SPHKAP: variants seen among roughly 807,000 people sequenced by gnomAD.
The protein encoded by SPHKAP is A-kinase anchor protein SPHKAP.
Under a neutral mutation model 137.5 loss-of-function variants are expected in SPHKAP, and 67 were observed. The ratio of observed to expected loss-of-function variants is 0.49; its 90% CI spans 0.40 to 0.60. The LOEUF (loss-of-function observed/expected upper bound fraction) is 0.60. Ranked by LOEUF, SPHKAP falls within the 20% of genes least tolerant of loss-of-function variation. The pLI, the probability that SPHKAP is intolerant of heterozygous loss-of-function variation, is 0.00. For synonymous variants in SPHKAP, 813 were observed against 785.3 expected (o/e 1.04, Z -0.59); for missense variants, 2,097 against 2,069.3 (o/e 1.01, Z -0.26).
chr2:228,121,960 T>C (rs2106363736), intron 2 of SPHKAP, among the ~76,000 whole-genome samples: 1 of 152,214 alleles, frequency 6.6e-6, no homozygotes, highest in Non-Finnish European at 1.5e-5. Context: ...TACTCCAGGC[T>C]ACTATGCTGG....
chr2:227,997,430 TAAC>T (rs1336117918), intron 7 of SPHKAP, among the ~76,000 whole-genome samples: 2 of 152,130 alleles, frequency 1.3e-5, no homozygotes, highest in African/African-American at 4.8e-5. Flanking sequence ...CCAAGAAAAG[TAAC>T]AACATCTCAT....
At chr2:228,091,645 T>C (rs1180683690) in intron 3 of SPHKAP, among the ~76,000 whole-genome samples, 2 of 151,984 alleles carry the variant, frequency 1.3e-5, no homozygotes, top group African/African-American at 4.8e-5. Context: ...GATATACAAA[T>C]GGCCAAGAAA....
chr2:228,178,353 G>C (rs1390840856), intron 1 of SPHKAP, among the ~76,000 whole-genome samples: 1 of 152,080 alleles, frequency 6.6e-6, no homozygotes, highest in Non-Finnish European at 1.5e-5. Context: ...GATAATATCT[G>C]TCATGATTGA....
intron 11 of SPHKAP, among the ~76,000 whole-genome samples, chr2:227,983,900 T>C (rs905906916): frequency 1.4e-4 from 22 of 152,076 alleles, no homozygotes; most frequent in African/African-American, 5.1e-4. Context: ...TATCACGTGG[T>C]GACTGAGTGG....
chr2:228,031,619 G>A (rs889793049), intron 3 of SPHKAP, among the ~76,000 whole-genome samples: 19 of 152,208 alleles, frequency 1.2e-4, no homozygotes, highest in Non-Finnish European at 1.0e-4. Context: ...GCACCCCCCA[G>A]TAGGAGCAGA....
chr2:228,026,647 A>C, intron 4 of SPHKAP, among the ~76,000 whole-genome samples: 1 of 152,092 alleles, frequency 6.6e-6, no homozygotes, highest in Middle Eastern at 3.2e-3. Flanking sequence ...TCTGCACCAT[A>C]ATTCTATCAA....
chr2:228,069,246 G>A (rs1472158325), intron 3 of SPHKAP, among the ~76,000 whole-genome samples: 2 of 152,040 alleles, frequency 1.3e-5, no homozygotes, highest in Middle Eastern at 3.2e-3. Flanking sequence ...CAGCCTGGGC[G>A]ACAAGAGCAA....
rs146850069 is a variant in SPHKAP, at chr2:228,143,741, G to A, written c.33-11656C>T. Among the ~76,000 whole-genome samples the A allele has an allele frequency of 8.4e-3, 1,196 of 141,678 alleles. 10 individuals are homozygous for A. Among genetic ancestry groups the A allele is most frequent in the African/African-American group, 0.029 (1,117 of 38,404 alleles). The allele number at this position is 141,678 out of a possible 152,430, so 92.9% of individuals were successfully genotyped here. On this transcript the variant is annotated intron_variant, in intron 1 of 11. Coordinates refer to ENST00000392056, the MANE Select transcript of SPHKAP (RefSeq NM_001142644.2). ...GGCTAATCTCGAACTCCTGACCTCA[G>A]ATGATCTGCCCGCCTTAGCCTCCCA...
At chr2:228,078,279 A>G (rs1405726426) in intron 3 of SPHKAP, among the ~76,000 whole-genome samples, 3 of 152,224 alleles carry the variant, frequency 2.0e-5, no homozygotes. Context: ...CAGATTTAGC[A>G]AGAATAGTCT....
At chr2:228,034,833 C>A (rs1428235251) in intron 3 of SPHKAP, among the ~76,000 whole-genome samples, 1 of 152,170 alleles carries the variant, frequency 6.6e-6, no homozygotes, top group Non-Finnish European at 1.5e-5. Flanking sequence ...TTCAACAACG[C>A]TTCATGCTAA....
At chr2:228,114,651 T>TTAG (rs1698647294) in intron 2 of SPHKAP, among the ~76,000 whole-genome samples, 1 of 152,190 alleles carries the variant, frequency 6.6e-6, no homozygotes, top group Admixed American at 6.6e-5. Context: ...GTGGTTGCTA[T>TTAG]TAGTATCAGA....
chr2:228,154,304 T>C (rs1413551632), intron 1 of SPHKAP, among the ~76,000 whole-genome samples: 2 of 151,566 alleles, frequency 1.3e-5, no homozygotes, highest in African/African-American at 2.4e-5. Context: ...CAAATCAACA[T>C]TTAAAACATT....
At chr2:227,989,855 G>T (rs1237054639) in intron 11 of SPHKAP, among the ~76,000 whole-genome samples, 4 of 151,308 alleles carry the variant, frequency 2.6e-5, no homozygotes, top group Non-Finnish European at 5.9e-5. Context: ...GACCTCAGGT[G>T]ATCTGCCCAC....
Position 228,021,940 on chromosome 2 carries a change from C to T in SPHKAP, c.468G>A (p.Leu156=). The T allele has an allele frequency of 1.2e-6, 2 of 1,603,530 alleles. No individual in the cohort carries two copies. The highest frequency in any genetic ancestry group is 1.7e-6 in the Non-Finnish European group (2 of 1,175,402). Residue 156 remains leucine (L), a synonymous_variant, in exon 6 of 12, where the codon TTG becomes TTA. Coordinates refer to ENST00000392056, the MANE Select transcript of SPHKAP (RefSeq NM_001142644.2). ...GTCTGTTCCCTCTTGCACATTGGAC[C>T]AAGCAGATATCTGGCAGCCAAGGGC... ...SQCPWLPDIC[L]VQCARGNRPN...
intron 3 of SPHKAP, among the ~76,000 whole-genome samples, chr2:228,099,951 G>A (rs935776975): frequency 3.4e-4 from 52 of 151,924 alleles, no homozygotes; most frequent in African/African-American, 1.2e-3. Context: ...CTGGGTTCAC[G>A]CCATTCTCCT....
At chr2:228,179,359 A>G (rs1700833107) in intron 1 of SPHKAP, among the ~76,000 whole-genome samples, 1 of 152,214 alleles carries the variant, frequency 6.6e-6, no homozygotes, top group South Asian at 2.1e-4. Flanking sequence ...TTTGTGAACA[A>G]GTAGCATGAC....
rs1398550541 is a variant in SPHKAP at position 227,980,356 on chromosome 2, G to A, written c.*1361C>T. 6.6e-6 allele frequency: 1 copy of A among 152,204 alleles called. No individual in the cohort carries two copies. The highest frequency in any genetic ancestry group is 1.5e-5 in the Non-Finnish European group (1 of 68,030). The allele number at this position is 152,204 out of a possible 1,614,324, so 9.4% of individuals were successfully genotyped here. A position where few individuals can be genotyped will look rare whatever the true frequency, so the allele number is the denominator to read the frequency against. On this transcript the variant is annotated 3_prime_UTR_variant, in exon 12 of 12. Transcript: ENST00000392056. The stretch of plus-strand genomic sequence containing the variant: ...TTTCAAAATGTGGATGATAGAGAAG[G>A]TGAGGCCAGCATTCATGGTATGGGA...
At chr2:227,990,769 T>G (rs1693383291) in intron 11 of SPHKAP, 1 of 442,144 alleles carries the variant, frequency 2.3e-6, no homozygotes, top group African/African-American at 2.0e-5. Context: ...TCCCCTCAAT[T>G]TACTTTTCTC....
In SPHKAP at chr2:228,018,043, G is replaced by T; in HGVS notation, c.2811C>A (p.Val937=). ...CTGCAATTTCAGTTGCCATGGAGAC[G>T]ACCGTGTCTGCTAATTCTTCCGCAA... The part of the protein sequence containing the change: ...TDFAEELADT[V]VSMATEIAAI... Residue 937 remains valine (V), a synonymous_variant, in exon 7 of 12, where the codon GTC becomes GTA. Transcript: ENST00000392056. 1 of 1,614,068 alleles carries T rather than the reference G, an allele frequency of 6.2e-7. No homozygotes were observed. Among genetic ancestry groups the T allele is most frequent in the Non-Finnish European group, 8.5e-7 (1 of 1,180,014 alleles).
Sources: allele counts gnomAD v4.1 joint callset (sites outside exome capture counted in the v4.1 genomes callset), GRCh38; gene constraint gnomAD v4.1.1; transcripts MANE v1.5; gene names NCBI Gene and HGNC (gene_info 2026-07-23, HGNC 2026-07-21).